The following ADAM20 variants were observed in gnomAD, a reference collection of about 807,000 sequenced individuals.
The protein encoded by ADAM20 is ADAM metallopeptidase domain 20, also known as disintegrin and metalloproteinase domain-containing protein 20.
For missense variants in ADAM20, 871 were observed against 883.2 expected (o/e 0.99, Z 0.18); for synonymous variants, 305 against 310.2 (o/e 0.98, Z 0.18).
At chr14:70,527,415 T>C (rs2139534510) in intron 1 of ADAM20, among the ~76,000 whole-genome samples, 1 of 152,248 alleles carries the variant, frequency 6.6e-6, no homozygotes, top group South Asian at 2.1e-4. Context: ...TTCCAGTACA[T>C]GAACATACTC....
chr14:70,571,266 T>C, the ADAM20 span, among the ~76,000 whole-genome samples: 1 of 152,100 alleles, frequency 6.6e-6, no homozygotes, highest in Non-Finnish European at 1.5e-5. Flanking sequence ...GTTCCCACAA[T>C]CCCCATGTGG....
At chr14:70,564,920 T>C in the ADAM20 span, among the ~76,000 whole-genome samples, 4,108 of 150,982 alleles carry the variant, frequency 0.027, 110 homozygotes, top group African/African-American at 0.077. Flanking sequence ...TGGTAGTGTA[T>C]GCCTGTAGTC....
chr14:70,546,137 G>A, the ADAM20 span, among the ~76,000 whole-genome samples: 3 of 152,056 alleles, frequency 2.0e-5, no homozygotes, highest in Non-Finnish European at 4.4e-5. Context: ...GAAGAAAATT[G>A]AAAAATTTCT....
the ADAM20 span, among the ~76,000 whole-genome samples, chr14:70,575,346 C>T: frequency 6.6e-6 from 1 of 152,134 alleles, no homozygotes; most frequent in East Asian, 1.9e-4. Flanking sequence ...AGGTGCACAC[C>T]ACCACACCCA....
chr14:70,530,851 G>T (rs191235969), intron 1 of ADAM20, among the ~76,000 whole-genome samples: 2 of 150,170 alleles, frequency 1.3e-5, no homozygotes, highest in East Asian at 3.9e-4. Context: ...TAAAAGAGAA[G>T]TTTACAGAGA....
the ADAM20 span, among the ~76,000 whole-genome samples, chr14:70,573,041 C>G: frequency 1.3e-5 from 2 of 152,046 alleles, no homozygotes; most frequent in Non-Finnish European, 2.9e-5. Flanking sequence ...TCTCAAAGAA[C>G]TAAAATAGAA....
the ADAM20 span, among the ~76,000 whole-genome samples, chr14:70,563,698 T>TC: frequency 2.5e-5 from 3 of 121,498 alleles, no homozygotes; most frequent in Admixed American, 8.1e-5. Context: ...TGCTGTAAAG[T>TC]GTGGCACCTG....
At chr14:70,531,194 G>T (rs1053330234) in intron 1 of ADAM20, among the ~76,000 whole-genome samples, 2 of 152,082 alleles carry the variant, frequency 1.3e-5, no homozygotes, top group Non-Finnish European at 2.9e-5. Context: ...ATGATACAAG[G>T]ATAGTTTAAC....
At chr14:70,546,921 T>C in the ADAM20 span, among the ~76,000 whole-genome samples, 1 of 152,118 alleles carries the variant, frequency 6.6e-6, no homozygotes, top group Admixed American at 6.5e-5. Context: ...AGCTGGTTTT[T>C]TGAATAGTTA....
chr14:70,564,255 G>C, the ADAM20 span, among the ~76,000 whole-genome samples: 1 of 152,222 alleles, frequency 6.6e-6, no homozygotes, highest in Non-Finnish European at 1.5e-5. Context: ...TCAGGAGTGA[G>C]TGGGAAAAAC....
chr14:70,545,769 G>A, the ADAM20 span, among the ~76,000 whole-genome samples: 1 of 152,134 alleles, frequency 6.6e-6, no homozygotes, highest in East Asian at 1.9e-4. Context: ...GTAATAGCTG[G>A]AGACCTCAAC....
At chr14:70,565,339 A>G in the ADAM20 span, among the ~76,000 whole-genome samples, 1 of 152,128 alleles carries the variant, frequency 6.6e-6, no homozygotes, top group Non-Finnish European at 1.5e-5. Flanking sequence ...AGAGAAAGAG[A>G]AAGCGGTAAA....
rs141912564 is a variant in ADAM20 at position 70,522,755 on chromosome 14, T to C, written c.2003A>G (p.Tyr668Cys). ...WAPPYCKDKG[Y>C]GGSADSGPPP... ...TGGGCCACTATCAGCACTACCTCCA[T>C]AGCCTTTGTCCTTGCAGTATGGGGG... The change falls in exon 2 of 2, where the codon TAT becomes TGT. Residue 668 changes from tyrosine (Y) to cysteine (C), a missense_variant. By Grantham distance (194) the Tyr-to-Cys change is radical (BLOSUM62 -2). Coordinates refer to ENST00000256389, the MANE Select transcript of ADAM20 (RefSeq NM_003814.5). 4.3e-5 allele frequency: 69 copies of C among 1,614,054 alleles called. No homozygotes were observed. In the African/African-American group the frequency reaches 6.1e-4, roughly 14 times the overall value.
At chr14:70,573,248 C>G in the ADAM20 span, among the ~76,000 whole-genome samples, 1 of 152,140 alleles carries the variant, frequency 6.6e-6, no homozygotes, top group Non-Finnish European at 1.5e-5. Context: ...GAATACTACA[C>G]AGCCATAAAA....
At chr14:70,529,679 A>G (rs1242826637) in intron 1 of ADAM20, among the ~76,000 whole-genome samples, 1 of 152,172 alleles carries the variant, frequency 6.6e-6, no homozygotes, top group African/African-American at 2.4e-5. Flanking sequence ...AAAAGATATA[A>G]AATGGTTCAC....
upstream of ADAM20, among the ~76,000 whole-genome samples, chr14:70,538,031 C>CA (rs1883871006): frequency 6.6e-6 from 1 of 152,124 alleles, no homozygotes; most frequent in Non-Finnish European, 1.5e-5. Context: ...CTTCTTCCTT[C>CA]AAAACTCCTT....
In ADAM20 at chr14:70,533,151, G is replaced by A. The variant is rs139573274; in HGVS notation, c.-177+1646C>T. ...ATAGGAATGCTTTTACACTGTTGGCGAGAGTGTAAATTAGTTCAACCATTG... is the reference window on the plus strand; with the variant it reads ...ATAGGAATGCTTTTACACTGTTGGCAAGAGTGTAAATTAGTTCAACCATTG... On this transcript the variant is annotated intron_variant, in intron 1 of 1. Coordinates refer to ENST00000256389, the MANE Select transcript of ADAM20 (RefSeq NM_003814.5). Among the ~76,000 whole-genome samples the A allele has an allele frequency of 6.5e-3, 996 of 152,266 alleles. 8 individuals are homozygous for A. The highest frequency in any genetic ancestry group is 0.023 in the African/African-American group (940 of 41,552).
intron 1 of ADAM20, among the ~76,000 whole-genome samples, chr14:70,533,546 A>G (rs1883760271): frequency 6.6e-6 from 1 of 152,178 alleles, no homozygotes. Flanking sequence ...TGGGAGTTGA[A>G]CAATGAGAAC....
At chr14:70,542,050 C>T in the ADAM20 span, among the ~76,000 whole-genome samples, 1 of 148,670 alleles carries the variant, frequency 6.7e-6, no homozygotes, top group South Asian at 2.1e-4. Flanking sequence ...AATAGGGAGA[C>T]TAGAGTGATC....
Sources: gnomAD v4.1 joint callset for allele counts (sites outside exome capture counted in the v4.1 genomes callset) on GRCh38, gnomAD v4.1.1 for gene constraint, MANE v1.5 for transcripts, NCBI Gene and HGNC (gene_info 2026-07-23, HGNC 2026-07-21) for gene names.